CLPS: variants seen among roughly 807,000 people sequenced by gnomAD.
CLPS encodes the protein colipase, pancreatic.
CLPS carries 8 observed loss-of-function variants against 9.3 expected under a neutral mutation model. That is an observed-to-expected ratio of 0.86 (90% CI 0.51 to 1.56). The LOEUF is 1.56. Ranked by LOEUF, CLPS falls within the 40% of genes most tolerant of loss-of-function variation. CLPS has a pLI of 0.00. For synonymous variants in CLPS, 61 were observed against 56.2 expected, an observed-to-expected ratio of 1.09 and a Z score of -0.39; for missense variants, 144 against 145.7, an observed-to-expected ratio of 0.99 and a Z score of 0.06.
chr6:35,796,673 T>A, intron 1 of CLPS: 1 of 358,506 alleles, frequency 2.8e-6, no homozygotes, highest in Non-Finnish European at 5.5e-6. Context: ...AGGTGGCTCA[T>A]GCCTGTAATC....
intron 1 of CLPS, among the ~76,000 whole-genome samples, chr6:35,796,558 G>A (rs1375780210): frequency 6.6e-6 from 1 of 152,252 alleles, no homozygotes; most frequent in Non-Finnish European, 1.5e-5. Flanking sequence ...ACATCTCCGA[G>A]GCATCTCCAT....
chr6:35,795,389 C>G, intron 2 of CLPS, 112 bp from the exon 3 acceptor site: 1 of 1,461,394 alleles, frequency 6.8e-7, no homozygotes, highest in Non-Finnish European at 9.2e-7. Flanking sequence ...CGGGGAGTGC[C>G]TCTCCCACCT....
chr6:35,795,639 C>G, intron 2 of CLPS, 92 bp downstream of exon 2: 2 of 1,562,850 alleles, frequency 1.3e-6, no homozygotes, highest in South Asian at 2.3e-5. Context: ...CATTCAGTGT[C>G]CAGGCTGACC....
In CLPS at chr6:35,795,821, C is replaced by T. The variant is rs771885099; in HGVS notation, c.117G>A (p.Gln39=). The T allele has an allele frequency of 8.1e-6, 13 of 1,613,162 alleles. No homozygotes were observed. The highest frequency in any genetic ancestry group is 3.3e-5 in the South Asian group (3 of 91,092). ...AATGCTGGCAGCAATTGCTCTTACA[C>T]TGGGCACTATTCATGCAGAGCTCAC... ...ENGELCMNSA[Q]CKSNCCQHSS... The change falls in exon 2 of 3, where the codon CAG becomes CAA. Residue 39 remains glutamine, a synonymous_variant. Coordinates refer to ENST00000259938, the MANE Select transcript of CLPS (RefSeq NM_001832.4).
chr6:35,795,312 G>C (rs774949774), intron 2 of CLPS, 35 bp from the exon 3 acceptor site: 1 of 1,605,374 alleles, frequency 6.2e-7, no homozygotes, highest in South Asian at 1.1e-5. Context: ...CAAGGCTATG[G>C]GGAGATACTT....
In CLPS at chr6:35,796,107, G is replaced by T. The variant is rs547339916; in HGVS notation, c.85-254C>A. Among the ~76,000 whole-genome samples the T allele has an allele frequency of 1.4e-4, 22 of 152,394 alleles. No individual in the cohort carries two copies. In the East Asian group the frequency reaches 4.2e-3, roughly 29 times the overall value. On this transcript the variant is annotated intron_variant, in intron 1 of 2. Coordinates refer to ENST00000259938, the MANE Select transcript of CLPS (RefSeq NM_001832.4). ...GTACCGGCTGTGCTACCAACCTCCTGTGTGACTCTGGGCAAGTCACTGCCT... is the reference window on the plus strand; with the variant it reads ...GTACCGGCTGTGCTACCAACCTCCTTTGTGACTCTGGGCAAGTCACTGCCT...
chr6:35,796,692 T>C (rs1768376024), intron 1 of CLPS: 3 of 383,164 alleles, frequency 7.8e-6, no homozygotes, highest in Non-Finnish European at 1.5e-5. Flanking sequence ...TCCCAGCACT[T>C]TGGGAGGCCG....
intron 2 of CLPS, among the ~76,000 whole-genome samples, 198 bp downstream of exon 2, chr6:35,795,533 C>T (rs988499176): frequency 6.6e-6 from 1 of 152,176 alleles, no homozygotes; most frequent in Admixed American, 6.5e-5. Flanking sequence ...CAAATCCCCA[C>T]CCCCACCCAT....
chr6:35,795,342 G>T (rs371997870), intron 2 of CLPS, 65 bp from the exon 3 acceptor site: 5 of 1,576,134 alleles, frequency 3.2e-6, no homozygotes, highest in African/African-American at 1.3e-5. Context: ...CTTGTCCCCT[G>T]CCTGACCTAG....
rs1445127050 is a variant in CLPS, at chr6:35,795,049, T to C, written c.*97A>G. 6.7e-7 allele frequency: 1 copy of C among 1,499,960 alleles called. No individual in the cohort carries two copies. Among genetic ancestry groups the C allele is most frequent in the Non-Finnish European group, 9.0e-7 (1 of 1,112,158 alleles). 92.9% of individuals were successfully genotyped at this position (1,499,960 alleles called of 1,614,324 possible). On this transcript the variant is annotated 3_prime_UTR_variant, in exon 3 of 3. Transcript: ENST00000259938. Reference sequence around the variant, plus strand: ...AAAACAGATATGCTGGTCAAGGAGGTGGCCAGCCCGGGAGATGCGCTGGAG... The same window carrying C: ...AAAACAGATATGCTGGTCAAGGAGGCGGCCAGCCCGGGAGATGCGCTGGAG...
At chr6:35,797,068 G>A in intron 1 of CLPS, 137 bp downstream of exon 1, 1 of 781,048 alleles carries the variant, frequency 1.3e-6, no homozygotes, top group Admixed American at 2.4e-5. Flanking sequence ...ACAGGACATG[G>A]AAGTAAACAG....
intron 2 of CLPS, 115 bp downstream of exon 2, chr6:35,795,616 C>A: frequency 6.6e-7 from 1 of 1,514,038 alleles, no homozygotes; most frequent in Non-Finnish European, 8.9e-7. Flanking sequence ...CGACCTCCCT[C>A]TCGTCTCCTC....
In CLPS at chr6:35,795,179, G is replaced by A. The variant is rs1768325313; in HGVS notation, c.306C>T (p.Gly102=). 1.2e-6 allele frequency: 2 copies of A among 1,614,216 alleles called. No individual in the cohort carries two copies. The highest frequency in any genetic ancestry group is 1.7e-6 in the Non-Finnish European group (2 of 1,180,030). Residue 102 remains glycine (G), a synonymous_variant, in exon 3 of 3, where the codon GGC becomes GGT. Transcript: ENST00000259938. The part of the protein sequence containing the change: ...IVGSITNTNF[G]ICHDAGRSKQ The stretch of plus-strand genomic sequence containing the variant: ...TGGAGCGTCCAGCGTCATGGCAGAT[G>A]CCAAAGTTGGTGTTGGTGATGGAGC...
At chr6:35,795,940 C>A in intron 1 of CLPS, 87 bp from the exon 2 acceptor site, 1 of 1,567,182 alleles carries the variant, frequency 6.4e-7, no homozygotes, top group East Asian at 2.3e-5. Flanking sequence ...CTACCACTAA[C>A]AGTGTCTCCC....
In CLPS at chr6:35,795,913, C is replaced by G. The variant is rs1341961341; in HGVS notation, c.85-60G>C. The G allele has an allele frequency of 2.1e-5, 34 of 1,598,948 alleles. 1 individual carries two copies. The Middle Eastern group carries it at 8.3e-4, about 39-fold the overall frequency. On this transcript the variant is annotated intron_variant, in intron 1 of 2. Transcript: ENST00000259938. ...CCCTCAGGTCCCTTCTCCATTCAGA[C>G]CTGTACCCACCACACACTACCACTA... is the stretch of plus-strand genomic sequence containing the variant.
chr6:35,795,496 A>G (rs755014307), intron 2 of CLPS, among the ~76,000 whole-genome samples: 76 of 152,174 alleles, frequency 5.0e-4, no homozygotes, highest in Non-Finnish European at 6.8e-4. Context: ...GGGAGCCTCT[A>G]TTTACCCAGC....
intron 1 of CLPS, 89 bp from the exon 2 acceptor site, chr6:35,795,942 G>A (rs918964800): frequency 6.4e-7 from 1 of 1,567,416 alleles, no homozygotes; most frequent in African/African-American, 1.3e-5. Context: ...ACCACTAACA[G>A]TGTCTCCCCT....
chr6:35,796,274 T>C (rs1415201536), intron 1 of CLPS, among the ~76,000 whole-genome samples: 1 of 152,270 alleles, frequency 6.6e-6, no homozygotes, highest in Non-Finnish European at 1.5e-5. Context: ...CCAACAGATC[T>C]GATCTATAAT....
chr6:35,797,170 G>T (rs757789730), intron 1 of CLPS, 35 bp downstream of exon 1: 4 of 1,570,874 alleles, frequency 2.5e-6, no homozygotes, highest in South Asian at 2.2e-5. Flanking sequence ...TTCATCTGGG[G>T]ACTCAGGAGG....
Sources: gnomAD v4.1 joint callset for allele counts (sites outside exome capture counted in the v4.1 genomes callset) on GRCh38, gnomAD v4.1.1 for gene constraint, MANE v1.5 for transcripts, NCBI Gene and HGNC (gene_info 2026-07-23, HGNC 2026-07-21) for gene names.